FAT3: variants seen among roughly 807,000 people sequenced by gnomAD.
FAT3 encodes FAT atypical cadherin 3.
In FAT3, 95 loss-of-function variants were observed where a neutral mutation model predicts 310.2. The observed-to-expected ratio is 0.31, with a 90% CI of 0.26 to 0.36. The LOEUF (loss-of-function observed/expected upper bound fraction) is 0.36, where lower values mean the gene tolerates loss of function less well. Among genes scored for constraint, FAT3 ranks in the 10% least tolerant of loss-of-function variants. The pLI, the probability that FAT3 is intolerant of heterozygous loss-of-function variation, is 1.00. For synonymous variants in FAT3, 2,314 were observed against 2,192.9 expected, an observed-to-expected ratio of 1.06 and a Z score of -1.54; for missense variants, 5,408 against 5,715.6, an observed-to-expected ratio of 0.95 and a Z score of 1.74.
chr11:92,410,505 A>G (rs1950232992), intron 2 of FAT3, among the ~76,000 whole-genome samples: 1 of 152,194 alleles, frequency 6.6e-6, no homozygotes, highest in African/African-American at 2.4e-5. Context: ...TGCTGGACAT[A>G]TAATCTGACA....
At chr11:92,835,727 T>TC (rs1374680474) in intron 15 of FAT3, among the ~76,000 whole-genome samples, 1 of 152,070 alleles carries the variant, frequency 6.6e-6, no homozygotes, top group Non-Finnish European at 1.5e-5. Flanking sequence ...TGTCCCCCTT[T>TC]CCCCCTACAC....
intron 4 of FAT3, among the ~76,000 whole-genome samples, chr11:92,701,965 GAC>G (rs1459021308): frequency 6.6e-6 from 1 of 152,148 alleles, no homozygotes; most frequent in Non-Finnish European, 1.5e-5. Context: ...GATTTATCAA[GAC>G]AGTGAATTAA....
At position 92,831,712 on chromosome 11, in the gene FAT3, A is replaced by G; in HGVS notation, c.9572A>G (p.Gln3191Arg). ...TCATCTGGCATCATCATCCTGGAGC[A>G]GCCACTGGACCGTGAGCAGCAGTCT... ...DSSSGIIILE[Q>R]PLDREQQSSY... Residue 3191 changes from glutamine to arginine, a missense_variant, in exon 14 of 28, where the codon CAG becomes CGG. Gln to Arg is a conservative substitution (Grantham distance 43). Coordinates refer to ENST00000525166, the MANE Select transcript of FAT3 (RefSeq NM_001367949.2). 6.2e-7 allele frequency: 1 copy of G among 1,613,636 alleles called. No individual in the cohort carries two copies. Among genetic ancestry groups the G allele is most frequent in the South Asian group, 1.1e-5 (1 of 90,976 alleles).
At chr11:92,634,152 G>A (rs914249224) in intron 3 of FAT3, among the ~76,000 whole-genome samples, 1 of 152,212 alleles carries the variant, frequency 6.6e-6, no homozygotes, top group Non-Finnish European at 1.5e-5. Flanking sequence ...TTTGCAGTGA[G>A]TTATTAAATG....
At chr11:92,374,271 C>T (rs1949279056) in intron 2 of FAT3, among the ~76,000 whole-genome samples, 1 of 152,156 alleles carries the variant, frequency 6.6e-6, no homozygotes. Context: ...TAAAATTAAG[C>T]ATTGTATATT....
chr11:92,486,417 C>A (rs982800079), intron 2 of FAT3, among the ~76,000 whole-genome samples: 1 of 151,634 alleles, frequency 6.6e-6, no homozygotes, highest in Non-Finnish European at 1.5e-5. Flanking sequence ...ATGTCCATCT[C>A]ATATTTTAGT....
chr11:92,813,206 A>G (rs1401784139), intron 13 of FAT3, among the ~76,000 whole-genome samples: 1 of 152,138 alleles, frequency 6.6e-6, no homozygotes, highest in Non-Finnish European at 1.5e-5. Flanking sequence ...GGACTAATAT[A>G]CTTGTGTTAC....
At chr11:92,688,748 A>C (rs2135881702) in intron 3 of FAT3, among the ~76,000 whole-genome samples, 1 of 152,310 alleles carries the variant, frequency 6.6e-6, no homozygotes, top group Admixed American at 6.5e-5. Flanking sequence ...CCCAAGTAGC[A>C]CTCATGATGC....
chr11:92,790,197 C>T lies in FAT3; in HGVS notation c.4590C>T (p.Asp1530=). The T allele has an allele frequency of 1.2e-6, 2 of 1,613,618 alleles. No homozygotes were observed. Among genetic ancestry groups the T allele is most frequent in the East Asian group, 4.5e-5 (2 of 44,876 alleles). The part of the protein sequence containing the change: ...TAERLDHEAQ[D]KHILNIMVRD... ...AGAGGCTGGACCATGAGGCCCAGGA[C>T]AAGCACATTCTCAACATAATGGTAG... Residue 1530 remains aspartate, a synonymous_variant, in exon 8 of 28, where the codon GAC becomes GAT. Transcript: ENST00000525166.
intron 3 of FAT3, among the ~76,000 whole-genome samples, chr11:92,608,279 T>G (rs1940397376): frequency 6.6e-6 from 1 of 152,194 alleles, no homozygotes; most frequent in African/African-American, 2.4e-5. Flanking sequence ...TGAGGCAATA[T>G]TACACACATG....
chr11:92,841,816 C>T (rs1430756886), intron 18 of FAT3, among the ~76,000 whole-genome samples: 1 of 152,202 alleles, frequency 6.6e-6, no homozygotes, highest in Non-Finnish European at 1.5e-5. Flanking sequence ...ATTCCCATTG[C>T]CACTGCCTCA....
At chr11:92,845,222 C>T (rs1948656813) in intron 19 of FAT3, among the ~76,000 whole-genome samples, 2 of 152,358 alleles carry the variant, frequency 1.3e-5, no homozygotes, top group South Asian at 2.1e-4. Flanking sequence ...CCAGTCATCA[C>T]ACAAGGGCCA....
chr11:92,806,731 C>G (rs565310633), intron 12 of FAT3, among the ~76,000 whole-genome samples: 7 of 152,172 alleles, frequency 4.6e-5, no homozygotes, highest in African/African-American at 1.4e-4. Flanking sequence ...CTTATGTGAA[C>G]GTGGGTAACA....
In FAT3 at chr11:92,657,389, A is replaced by G. The variant is rs1407558692; in HGVS notation, c.3608-39995A>G. Among the ~76,000 whole-genome samples, 8 of 152,352 alleles carry G rather than the reference A, an allele frequency of 5.3e-5. No homozygotes were observed. In the East Asian group the frequency reaches 1.4e-3, roughly 26 times the overall value. ...AATTTTGCTGGCAGAAGTTCAGTCAACAGCATTTGATTATTCTCTGCATTG... is the reference window on the plus strand; with the variant it reads ...AATTTTGCTGGCAGAAGTTCAGTCAGCAGCATTTGATTATTCTCTGCATTG... On this transcript the variant is annotated intron_variant, in intron 3 of 27. Coordinates refer to ENST00000525166, the MANE Select transcript of FAT3 (RefSeq NM_001367949.2).
At chr11:92,453,878 T>C (rs968838784) in intron 2 of FAT3, among the ~76,000 whole-genome samples, 1 of 152,198 alleles carries the variant, frequency 6.6e-6, no homozygotes, top group African/African-American at 2.4e-5. Context: ...CTAATAAATA[T>C]ATAATGCCAG....
intron 17 of FAT3, among the ~76,000 whole-genome samples, chr11:92,839,320 C>G (rs973324905): frequency 6.6e-6 from 1 of 152,168 alleles, no homozygotes; most frequent in Non-Finnish European, 1.5e-5. Flanking sequence ...CTCTCTCCCT[C>G]TCTTCTATGC....
chr11:92,466,829 G>A lies in FAT3; in HGVS notation c.3293-57805G>A, dbSNP rs1303789123. On this transcript the variant is annotated intron_variant, in intron 2 of 27. Coordinates refer to ENST00000525166, the MANE Select transcript of FAT3 (RefSeq NM_001367949.2). ...TTCCCACCTATGAGTGAGAACATGC[G>A]GTGTTTGGTTTTTTGTCTTTGCTAT... Among the ~76,000 whole-genome samples the A allele has an allele frequency of 8.2e-5, 12 of 146,674 alleles. No individual in the cohort carries two copies. In the East Asian group the frequency reaches 1.0e-3, roughly 12 times the overall value.
chr11:92,412,154 G>A (rs1950284690), intron 2 of FAT3, among the ~76,000 whole-genome samples: 1 of 152,052 alleles, frequency 6.6e-6, no homozygotes, highest in Non-Finnish European at 1.5e-5. Context: ...CCAGGCTGGA[G>A]CGTAGTGGTG....
chr11:92,507,518 C>T (rs751408607), intron 2 of FAT3, among the ~76,000 whole-genome samples: 2 of 151,348 alleles, frequency 1.3e-5, no homozygotes, highest in Non-Finnish European at 2.9e-5. Context: ...CATATATATA[C>T]ACATGTATAT....
Sources: allele counts gnomAD v4.1 joint callset (sites outside exome capture counted in the v4.1 genomes callset), GRCh38; gene constraint gnomAD v4.1.1; transcripts MANE v1.5; gene names NCBI Gene and HGNC (gene_info 2026-07-23, HGNC 2026-07-21).